DNAJC3: variants seen among roughly 807,000 people sequenced by gnomAD.
The protein encoded by DNAJC3 is DnaJ heat shock protein family (Hsp40) member C3, also known as dnaJ homolog subfamily C member 3.
In DNAJC3, 38 loss-of-function variants were observed where a neutral mutation model predicts 68.6. The ratio of observed to expected loss-of-function variants is 0.55; its 90% confidence interval spans 0.43 to 0.73. DNAJC3 has a LOEUF of 0.73. Ranked by LOEUF, DNAJC3 falls within the 30% of genes least tolerant of loss-of-function variation. The pLI is 0.00. For synonymous variants in DNAJC3, 203 were observed against 204.0 expected, an observed-to-expected ratio of 1.00 and a Z score of 0.04; for missense variants, 526 against 591.9, an observed-to-expected ratio of 0.89 and a Z score of 1.16.
rs967797710 is a variant in DNAJC3 at position 95,793,507 on chromosome 13, T to G, written c.*2477T>G. ...CTTTTTTTTTTTTTTTTTTTTTTTTTGAGACAGAATCTTGCTCTGTTGCCC... is the reference window on the plus strand; with the variant it reads ...CTTTTTTTTTTTTTTTTTTTTTTTTGGAGACAGAATCTTGCTCTGTTGCCC... On this transcript the variant is annotated 3_prime_UTR_variant, in exon 12 of 12. Transcript: ENST00000602402. The G allele has an allele frequency of 6.7e-6, 1 of 149,486 alleles. No individual in the cohort carries two copies. The highest frequency in any genetic ancestry group is 2.5e-5 in the African/African-American group (1 of 39,852). The allele number at this position is 149,486 out of a possible 1,614,324, so 9.3% of individuals were successfully genotyped here.
At chr13:95,790,145 A>G (rs980025028) in intron 11 of DNAJC3, among the ~76,000 whole-genome samples, 3 of 152,148 alleles carry the variant, frequency 2.0e-5, no homozygotes, top group Non-Finnish European at 4.4e-5. Context: ...TTTTGTTGCA[A>G]TTTCATGATG....
rs1255315315 is a variant in DNAJC3, at chr13:95,791,297, C to T, written c.*267C>T. On this transcript the variant is annotated 3_prime_UTR_variant, in exon 12 of 12. Transcript: ENST00000602402. ...CTGGAGGGAAGTGGTCTGAGGCAGG[C>T]TCACCCGTGGAAGTGCTCACGTATT... 1 of 456,100 alleles carries T rather than the reference C, an allele frequency of 2.2e-6. No homozygotes were observed. Among genetic ancestry groups the T allele is most frequent in the African/African-American group, 2.1e-5 (1 of 47,968 alleles). The allele number at this position is 456,100 out of a possible 1,614,324, so 28.3% of individuals were successfully genotyped here.
intron 4 of DNAJC3, among the ~76,000 whole-genome samples, chr13:95,733,337 A>C (rs1479928817): frequency 6.6e-6 from 1 of 152,164 alleles, no homozygotes; most frequent in Non-Finnish European, 1.5e-5. Flanking sequence ...ATATATATTT[A>C]GAATTGTTAT....
At chr13:95,738,289 T>A (rs1347754204) in intron 4 of DNAJC3, among the ~76,000 whole-genome samples, 1 of 150,552 alleles carries the variant, frequency 6.6e-6, no homozygotes, top group Non-Finnish European at 1.5e-5. Context: ...CTGAAAAAAA[T>A]GTATATTCTG....
chr13:95,719,941 A>G (rs1316518610), intron 2 of DNAJC3, among the ~76,000 whole-genome samples: 1 of 152,138 alleles, frequency 6.6e-6, no homozygotes, highest in African/African-American at 2.4e-5. Context: ...CTGTGTAAAT[A>G]GTTGTTTTAC....
intron 9 of DNAJC3, among the ~76,000 whole-genome samples, chr13:95,772,224 C>T (rs1364682427): frequency 2.6e-5 from 4 of 152,162 alleles, no homozygotes; most frequent in South Asian, 2.1e-4. Context: ...TTCAGTGTTT[C>T]GCCAATAATC....
intron 4 of DNAJC3, among the ~76,000 whole-genome samples, chr13:95,730,448 C>T (rs9590318): frequency 0.31 from 47,278 of 152,028 alleles, 10,871 homozygotes; most frequent in African/African-American, 0.65. Context: ...TTAGGTCTTA[C>T]GTTTAAGTCT....
At chr13:95,764,195 T>C (rs561568469) in intron 9 of DNAJC3, among the ~76,000 whole-genome samples, 1 of 152,184 alleles carries the variant, frequency 6.6e-6, no homozygotes, top group African/African-American at 2.4e-5. Flanking sequence ...TATTTTAGCT[T>C]TTTTTGTAGA....
At chr13:95,726,970 G>A (rs1007614897) in intron 4 of DNAJC3, among the ~76,000 whole-genome samples, 3 of 152,096 alleles carry the variant, frequency 2.0e-5, no homozygotes, top group African/African-American at 4.8e-5. Flanking sequence ...CAATAAAATC[G>A]GCTGTCATTT....
At chr13:95,751,288 C>T (rs1257871581) in intron 4 of DNAJC3, among the ~76,000 whole-genome samples, 1 of 152,182 alleles carries the variant, frequency 6.6e-6, no homozygotes, top group African/African-American at 2.4e-5. Context: ...ACTTTAGTTG[C>T]AGGAAATAAG....
At chr13:95,750,123 C>T (rs9556495) in intron 4 of DNAJC3, among the ~76,000 whole-genome samples, 1 of 152,072 alleles carries the variant, frequency 6.6e-6, no homozygotes, top group Non-Finnish European at 1.5e-5. Flanking sequence ...TGTCTCCAAT[C>T]GAACGCCTAA....
intron 1 of DNAJC3, among the ~76,000 whole-genome samples, chr13:95,707,655 C>T (rs1055469207): frequency 3.3e-5 from 5 of 151,926 alleles, no homozygotes; most frequent in South Asian, 2.1e-4. Flanking sequence ...GAGGAGAGAC[C>T]GAAATCATGT....
chr13:95,784,570 C>T (rs748870157), intron 9 of DNAJC3, among the ~76,000 whole-genome samples: 1 of 152,128 alleles, frequency 6.6e-6, no homozygotes, highest in Non-Finnish European at 1.5e-5. Context: ...TTCTGTCTGG[C>T]CTGCACCAAA....
intron 1 of DNAJC3, among the ~76,000 whole-genome samples, chr13:95,703,277 A>G (rs1880629696): frequency 6.6e-6 from 1 of 152,224 alleles, no homozygotes; most frequent in Non-Finnish European, 1.5e-5. Flanking sequence ...ATTTGAAGAA[A>G]GCTTAACTAA....
At chr13:95,770,085 G>A (rs1883117624) in intron 9 of DNAJC3, among the ~76,000 whole-genome samples, 1 of 152,196 alleles carries the variant, frequency 6.6e-6, no homozygotes, top group South Asian at 2.1e-4. Flanking sequence ...CTGTGGAGGG[G>A]TCCTTTGCCT....
chr13:95,757,830 G>T, intron 5 of DNAJC3, 34 bp downstream of exon 5: 1 of 1,490,758 alleles, frequency 6.7e-7, no homozygotes, highest in South Asian at 1.4e-5. Flanking sequence ...TGACCAGCCT[G>T]ACACTTATTG....
intron 9 of DNAJC3, among the ~76,000 whole-genome samples, chr13:95,785,278 C>G (rs1437712780): frequency 6.6e-6 from 1 of 152,020 alleles, no homozygotes; most frequent in Non-Finnish European, 1.5e-5. Context: ...GTGTAACAAC[C>G]ACTTAGTCTT....
intron 9 of DNAJC3, among the ~76,000 whole-genome samples, chr13:95,775,885 C>G (rs1430242777): frequency 6.6e-6 from 1 of 152,140 alleles, no homozygotes; most frequent in Non-Finnish European, 1.5e-5. Context: ...GTTACTGTCT[C>G]TCTGCCAGAA....
intron 2 of DNAJC3, among the ~76,000 whole-genome samples, chr13:95,713,789 AC>A (rs1357298450): frequency 1.3e-5 from 2 of 152,158 alleles, no homozygotes; most frequent in Non-Finnish European, 2.9e-5. Context: ...CCAAATAGCA[AC>A]CCCTTCTTCC....
Sources: allele counts gnomAD v4.1 joint callset (sites outside exome capture counted in the v4.1 genomes callset), GRCh38; gene constraint gnomAD v4.1.1; transcripts MANE v1.5; gene names NCBI Gene and HGNC (gene_info 2026-07-23, HGNC 2026-07-21).